Variants in CCDC171 observed in about 807,000 individuals in gnomAD.
CCDC171 encodes the protein coiled-coil domain containing 171.
In CCDC171, 177 loss-of-function variants were observed where a neutral mutation model predicts 168.2. The observed-to-expected ratio is 1.05, with a 90% CI of 0.93 to 1.19. CCDC171 has a LOEUF of 1.19. Among genes scored for constraint, CCDC171 ranks in the 50% most tolerant of loss-of-function variants. The probability of loss-of-function intolerance (pLI) is 0.00; values close to 1 mark genes in which losing one functional copy is unlikely to be tolerated. For missense variants in CCDC171, 1,991 were observed against 1,539.0 expected (o/e 1.29, Z -4.91); for synonymous variants, 687 against 540.8 (o/e 1.27, Z -3.75).
intron 3 of CCDC171, among the ~76,000 whole-genome samples, chr9:15,981,855 C>T (rs545380795): frequency 7.2e-5 from 11 of 152,212 alleles, no homozygotes; most frequent in African/African-American, 1.9e-4. Context: ...TTTGAAAAAG[C>T]GTCTGAAGTT....
intron 23 of CCDC171, among the ~76,000 whole-genome samples, chr9:15,857,571 C>T (rs1410656413): frequency 6.6e-6 from 1 of 151,842 alleles, no homozygotes; most frequent in Non-Finnish European, 1.5e-5. Flanking sequence ...TACAGTAATA[C>T]ACCACCATGA....
At chr9:15,884,909 C>T (rs1819186231) in intron 24 of CCDC171, among the ~76,000 whole-genome samples, 1 of 152,130 alleles carries the variant, frequency 6.6e-6, no homozygotes, top group Non-Finnish European at 1.5e-5. Context: ...AGTGTTTTGA[C>T]TTTTGGAGGT....
At chr9:15,938,149 C>T (rs1443864457) in intron 25 of CCDC171, among the ~76,000 whole-genome samples, 3 of 151,796 alleles carry the variant, frequency 2.0e-5, no homozygotes, top group Non-Finnish European at 4.4e-5. Context: ...GTTATTTCCT[C>T]ACCTTGCAGA....
chr9:15,981,226 A>T (rs1214294642), intron 3 of CCDC171, among the ~76,000 whole-genome samples: 1 of 152,158 alleles, frequency 6.6e-6, no homozygotes, highest in Non-Finnish European at 1.5e-5. Flanking sequence ...TTTGGGAGGT[A>T]CTTCAGATTA....
chr9:15,978,592 C>T (rs1279652219), downstream of CCDC171, among the ~76,000 whole-genome samples: 1 of 152,138 alleles, frequency 6.6e-6, no homozygotes, highest in African/African-American at 2.4e-5. Context: ...AGAGTAGAAA[C>T]CCTGTATCAC....
At chr9:15,913,643 G>A (rs1347560497) in intron 24 of CCDC171, among the ~76,000 whole-genome samples, 1 of 152,004 alleles carries the variant, frequency 6.6e-6, no homozygotes, top group Non-Finnish European at 1.5e-5. Flanking sequence ...GCCCAATTCT[G>A]TCCATTTGTC....
At chr9:16,072,820 C>A in the CCDC171 span, among the ~76,000 whole-genome samples, 1 of 152,192 alleles carries the variant, frequency 6.6e-6, no homozygotes, top group African/African-American at 2.4e-5. Flanking sequence ...GATACCCTAG[C>A]CCCCTGAGCA....
intron 24 of CCDC171, among the ~76,000 whole-genome samples, chr9:15,912,974 A>T (rs1024107210): frequency 6.6e-6 from 1 of 152,204 alleles, no homozygotes; most frequent in Admixed American, 6.5e-5. Context: ...GTTGATATTC[A>T]TCAGGGATAT....
At chr9:15,578,799 A>G (rs1199590753) in intron 3 of CCDC171, 50 bp from the exon 4 acceptor site, 4 of 1,460,204 alleles carry the variant, frequency 2.7e-6, no homozygotes, top group Non-Finnish European at 3.8e-6. Flanking sequence ...GTTTGAGTGT[A>G]TGATCTCATA....
At chr9:15,917,656 T>C (rs535328116) in intron 24 of CCDC171, among the ~76,000 whole-genome samples, 9 of 151,902 alleles carry the variant, frequency 5.9e-5, no homozygotes, top group Middle Eastern at 3.4e-3. Flanking sequence ...ATATTATTTA[T>C]TCCTTTTAGA....
intron 25 of CCDC171, among the ~76,000 whole-genome samples, chr9:15,934,158 C>T (rs187289414): frequency 3.3e-5 from 5 of 151,818 alleles, no homozygotes; most frequent in Non-Finnish European, 5.9e-5. Flanking sequence ...CTTTGGGAGG[C>T]TGAGGCAGGA....
intron 25 of CCDC171, among the ~76,000 whole-genome samples, chr9:15,926,359 CCA>C (rs879668411): frequency 2.0e-5 from 3 of 151,674 alleles, no homozygotes; most frequent in Non-Finnish European, 3.0e-5. Context: ...CAGCCCGTAC[CCA>C]GTGAGCCCAA....
intron 21 of CCDC171, among the ~76,000 whole-genome samples, chr9:15,839,541 T>G (rs1216994327): frequency 6.6e-6 from 1 of 152,198 alleles, no homozygotes; most frequent in Non-Finnish European, 1.5e-5. Context: ...ATGGTAATAC[T>G]ATATACCTCA....
chr9:15,866,924 T>C lies in CCDC171; in HGVS notation c.3469-7608T>C, dbSNP rs374239877. Among the ~76,000 whole-genome samples, 91 of 152,170 alleles carry C rather than the reference T, an allele frequency of 6.0e-4. 1 individual carries two copies. In the South Asian group the frequency reaches 0.011, roughly 18 times the overall value. ...GAATGAGTCAAATTTTACCAGCATA[T>C]AGTCTCTAAATATAACATAAGCCAT... is the stretch of plus-strand genomic sequence containing the variant. On this transcript the variant is annotated intron_variant, in intron 23 of 25. Transcript: ENST00000380701.
At chr9:16,102,901 C>T in the CCDC171 span, among the ~76,000 whole-genome samples, 1 of 152,154 alleles carries the variant, frequency 6.6e-6, no homozygotes. Context: ...GCAATCACTT[C>T]CCTCCCCAGT....
chr9:16,009,157 G>A (rs1832788391), intron 3 of CCDC171, among the ~76,000 whole-genome samples: 1 of 152,104 alleles, frequency 6.6e-6, no homozygotes, highest in African/African-American at 2.4e-5. Context: ...TCTCTCTGCT[G>A]CAGAAAATGG....
In CCDC171 at chr9:15,744,347, T is replaced by C. The variant is rs1463117601; in HGVS notation, c.2124T>C (p.Leu708=). Residue 708 remains leucine (L), a synonymous_variant, in exon 17 of 26, where the codon CTT becomes CTC. Transcript: ENST00000380701. ...AGAAGTCACATGAACAGTTGGTTCT[T>C]GAAAATTCGCACTTCAAAAAACTGT... ...HIEKSHEQLV[L]ENSHFKKLLS... The C allele has an allele frequency of 3.7e-6, 6 of 1,613,866 alleles. No homozygotes were observed. The highest frequency in any genetic ancestry group is 2.7e-5 in the African/African-American group (2 of 74,934).
chr9:15,683,337 G>A (rs1427523012), intron 10 of CCDC171, among the ~76,000 whole-genome samples: 2 of 151,968 alleles, frequency 1.3e-5, no homozygotes, highest in Non-Finnish European at 2.9e-5. Context: ...GCTTTGTGGT[G>A]AAGGTAATAT....
intron 1 of CCDC171, 116 bp from the exon 2 acceptor site, chr9:15,563,862 C>A (rs971742559): frequency 8.3e-6 from 4 of 481,418 alleles, no homozygotes; most frequent in African/African-American, 8.0e-5. Context: ...TATCTCTATA[C>A]ACCTACAATT....
Sources: allele counts gnomAD v4.1 joint callset (sites outside exome capture counted in the v4.1 genomes callset), GRCh38; gene constraint gnomAD v4.1.1; transcripts MANE v1.5; gene names NCBI Gene and HGNC (gene_info 2026-07-23, HGNC 2026-07-21).